RBFOX1: variants seen among roughly 807,000 people sequenced by gnomAD.
RBFOX1 encodes the protein RNA binding fox-1 homolog 1.
RBFOX1 carries 8 observed loss-of-function variants against 57.7 expected under a neutral mutation model. The observed-to-expected ratio is 0.14, with a 90% CI of 0.08 to 0.25. The LOEUF (loss-of-function observed/expected upper bound fraction) is 0.25. RBFOX1 is among the 10% of genes least tolerant of loss of function. The pLI, the probability that RBFOX1 is intolerant of heterozygous loss-of-function variation, is 1.00. For synonymous variants in RBFOX1, 326 were observed against 222.4 expected, an observed-to-expected ratio of 1.47 and a Z score of -4.15; for missense variants, 611 against 548.5, an observed-to-expected ratio of 1.11 and a Z score of -1.14.
chr16:7,271,361 C>G (rs906002946), intron 4 of RBFOX1, among the ~76,000 whole-genome samples: 1 of 151,470 alleles, frequency 6.6e-6, no homozygotes, highest in East Asian at 1.9e-4. Flanking sequence ...GGGGGGAGCT[C>G]GTATCAAACT....
At chr16:6,985,282 T>A (rs1415550589) in intron 3 of RBFOX1, among the ~76,000 whole-genome samples, 2 of 152,224 alleles carry the variant, frequency 1.3e-5, no homozygotes, top group African/African-American at 2.4e-5. Context: ...ATCTTATGTT[T>A]TTACATGTCC....
chr16:6,705,080 A>T (rs1280685991), intron 3 of RBFOX1: 1 of 152,076 alleles, frequency 6.6e-6, no homozygotes, highest in Non-Finnish European at 1.5e-5. Flanking sequence ...GATGGTCAGT[A>T]ATGAGGCAGC....
intron 3 of RBFOX1, among the ~76,000 whole-genome samples, chr16:6,936,700 G>C (rs751231291): frequency 6.6e-6 from 1 of 152,058 alleles, no homozygotes; most frequent in Admixed American, 6.6e-5. Context: ...GATAGCATTA[G>C]ATTAATATTA....
chr16:6,456,515 G>T (rs1331576648), intron 2 of RBFOX1, among the ~76,000 whole-genome samples: 1 of 152,142 alleles, frequency 6.6e-6, no homozygotes, highest in Non-Finnish European at 1.5e-5. Context: ...ATAACTTAGG[G>T]CCCTGTTAAG....
chr16:6,658,202 G>C (rs2098674213), intron 3 of RBFOX1, among the ~76,000 whole-genome samples: 1 of 151,798 alleles, frequency 6.6e-6, no homozygotes, highest in South Asian at 2.1e-4. Context: ...TATCATGATA[G>C]AAGATAAACT....
intron 2 of RBFOX1, among the ~76,000 whole-genome samples, chr16:6,629,973 T>TTTTTA (rs201032968): frequency 3.8e-5 from 5 of 129,968 alleles, no homozygotes; most frequent in East Asian, 4.6e-4. Flanking sequence ...TTTTTTTTTT[T>TTTTTA]AAAAAAAAAA....
At chr16:7,617,201 T>C (rs541358043) in intron 10 of RBFOX1, among the ~76,000 whole-genome samples, 28 of 152,288 alleles carry the variant, frequency 1.8e-4, no homozygotes, top group Non-Finnish European at 3.8e-4. Context: ...GCACAGATAG[T>C]GTTTTTGACT....
rs377676710 is a variant in RBFOX1, at chr16:6,245,150, A to G, written c.-126-71845A>G. Among the ~76,000 whole-genome samples the G allele has an allele frequency of 1.1e-4, 17 of 152,334 alleles. No individual in the cohort carries two copies. The East Asian group carries it at 1.7e-3, about 16-fold the overall frequency. On this transcript the variant is annotated intron_variant, in intron 1 of 15. Transcript: ENST00000550418. Reference sequence around the variant, plus strand: ...ATAGGTGTATGTGAATGAACTCACAAATAAATGCGTGATTGAATGAATAAT... The same window carrying G: ...ATAGGTGTATGTGAATGAACTCACAGATAAATGCGTGATTGAATGAATAAT...
At chr16:6,435,549 T>C (rs945142903) in intron 2 of RBFOX1, among the ~76,000 whole-genome samples, 1 of 152,148 alleles carries the variant, frequency 6.6e-6, no homozygotes, top group Non-Finnish European at 1.5e-5. Context: ...GGTGATCCAC[T>C]TGCCTTGTCC....
chr16:7,146,882 G>A (rs947117009), intron 4 of RBFOX1, among the ~76,000 whole-genome samples: 1 of 148,736 alleles, frequency 6.7e-6, no homozygotes, highest in Non-Finnish European at 1.5e-5. Context: ...CCAGGAGGTC[G>A]AGGTTGCAGT....
At chr16:6,862,054 A>G (rs963220647) in intron 3 of RBFOX1, among the ~76,000 whole-genome samples, 2 of 152,090 alleles carry the variant, frequency 1.3e-5, no homozygotes, top group African/African-American at 2.4e-5. Context: ...GTCAGGAAAA[A>G]TCACAGCAAA....
rs756936561 is a variant in RBFOX1 at position 6,637,564 on chromosome 16, T to TATAGAATAG, written c.-63-17039_-63-17038insATAGAATAG. ...TACAATCTGCATAGTATATATAATA[T>TATAGAATAG]TCTATATAGTATATATATAATAGTC... On this transcript the variant is annotated intron_variant, in intron 2 of 15. Transcript: ENST00000550418. Among the ~76,000 whole-genome samples the TATAGAATAG allele has an allele frequency of 7.8e-5, 10 of 128,476 alleles. 1 individual carries two copies. Among genetic ancestry groups the TATAGAATAG allele is most frequent in the Admixed American group, 1.9e-4 (2 of 10,542 alleles). 84.3% of individuals were successfully genotyped at this position (128,476 alleles called of 152,430 possible).
chr16:6,166,010 C>T (rs1489355045), intron 1 of RBFOX1, among the ~76,000 whole-genome samples: 1 of 152,300 alleles, frequency 6.6e-6, no homozygotes, highest in Middle Eastern at 3.4e-3. Flanking sequence ...GCCTGTACCA[C>T]ACACATGTAC....
intron 2 of RBFOX1, among the ~76,000 whole-genome samples, chr16:6,504,928 A>C (rs1393494668): frequency 6.6e-6 from 1 of 151,780 alleles, no homozygotes. Flanking sequence ...TAATTTTTTA[A>C]CTGGGCTAGT....
At chr16:5,811,740 C>T (rs996266679) in intron 3 of RBFOX1, among the ~76,000 whole-genome samples, 2 of 152,210 alleles carry the variant, frequency 1.3e-5, no homozygotes, top group Non-Finnish European at 2.9e-5. Context: ...TGAGCCACCA[C>T]ACTAGGCCAG....
chr16:5,805,362 A>G (rs768496317), intron 3 of RBFOX1, among the ~76,000 whole-genome samples: 5 of 152,202 alleles, frequency 3.3e-5, no homozygotes, highest in Admixed American at 6.5e-5. Flanking sequence ...TCAAAATTCT[A>G]TTAACTAGTT....
intron 5 of RBFOX1, among the ~76,000 whole-genome samples, chr16:7,549,190 G>A (rs991213606): frequency 6.6e-6 from 1 of 152,210 alleles, no homozygotes; most frequent in South Asian, 2.1e-4. Context: ...AAACACCCTC[G>A]AAATATTTAC....
intron 1 of RBFOX1, among the ~76,000 whole-genome samples, chr16:6,243,482 G>A (rs1471338899): frequency 6.6e-6 from 1 of 152,100 alleles, no homozygotes; most frequent in Non-Finnish European, 1.5e-5. Context: ...TCCAGCTGCA[G>A]CCTCCCTCCC....
chr16:7,311,911 G>T (rs1035826017), intron 4 of RBFOX1, among the ~76,000 whole-genome samples: 2 of 152,204 alleles, frequency 1.3e-5, no homozygotes. Flanking sequence ...TGATCCAGCT[G>T]AATTGAGCAA....
Sources: allele counts gnomAD v4.1 joint callset (sites outside exome capture counted in the v4.1 genomes callset), GRCh38; gene constraint gnomAD v4.1.1; transcripts MANE v1.5; gene names NCBI Gene and HGNC (gene_info 2026-07-23, HGNC 2026-07-21).